The following THSD7A variants were observed in gnomAD, a reference collection of about 807,000 sequenced individuals.
The protein encoded by THSD7A is thrombospondin type-1 domain-containing protein 7A.
Under a neutral mutation model 231.3 loss-of-function variants are expected in THSD7A, and 96 were observed. The observed-to-expected ratio is 0.41, with a 90% CI of 0.35 to 0.49. The LOEUF (loss-of-function observed/expected upper bound fraction) is 0.49, where lower values mean the gene tolerates loss of function less well. Ranked by LOEUF, THSD7A falls within the 20% of genes least tolerant of loss-of-function variation. The pLI, the probability that THSD7A is intolerant of heterozygous loss-of-function variation, is 0.05. For missense variants in THSD7A, 2,290 were observed against 2,070.2 expected (o/e 1.11, Z -2.06); for synonymous variants, 940 against 743.3 (o/e 1.26, Z -4.30).
intron 1 of THSD7A, among the ~76,000 whole-genome samples, chr7:11,807,846 C>T (rs971517772): frequency 3.3e-5 from 5 of 152,100 alleles, no homozygotes; most frequent in Non-Finnish European, 7.4e-5. Flanking sequence ...AAATGTTGGT[C>T]TCCTGAAAAG....
At chr7:11,670,784 C>A (rs1027446187) in intron 1 of THSD7A, among the ~76,000 whole-genome samples, 5 of 152,082 alleles carry the variant, frequency 3.3e-5, no homozygotes, top group Non-Finnish European at 7.4e-5. Context: ...TTTGAGGATG[C>A]TTTCAGAGTA....
At chr7:11,379,847 GA>G in intron 24 of THSD7A, 135 bp from the exon 25 acceptor site, 1 of 962,304 alleles carries the variant, frequency 1.0e-6, no homozygotes, top group Non-Finnish European at 1.6e-6. Flanking sequence ...GGTTGACTGT[GA>G]AATATTTGGT....
In THSD7A at chr7:11,541,335, G is replaced by A. The variant is rs1265989999; in HGVS notation, c.1822+84C>T. 7 of 1,308,494 alleles carry A rather than the reference G, an allele frequency of 5.3e-6. No homozygotes were observed. The East Asian group carries it at 1.2e-4, about 22-fold the overall frequency. The allele number at this position is 1,308,494 out of a possible 1,614,324, so 81.1% of individuals were successfully genotyped here. On this transcript the variant is annotated intron_variant, in intron 6 of 27. Coordinates refer to ENST00000423059, the MANE Select transcript of THSD7A (RefSeq NM_015204.3). ...GTAAACAGAATCAGTTATAATGCGAGAAGACACAGGATTTTAACAGAAAGT... is the reference window on the plus strand; with the variant it reads ...GTAAACAGAATCAGTTATAATGCGAAAAGACACAGGATTTTAACAGAAAGT...
intron 1 of THSD7A, among the ~76,000 whole-genome samples, chr7:11,704,795 C>T (rs1451613034): frequency 6.6e-6 from 1 of 150,992 alleles, no homozygotes; most frequent in African/African-American, 2.4e-5. Flanking sequence ...GAAACTATTC[C>T]TCTCTAGCTT....
chr7:11,604,953 C>T (rs1212500795), intron 2 of THSD7A, among the ~76,000 whole-genome samples: 3 of 151,952 alleles, frequency 2.0e-5, no homozygotes, highest in Non-Finnish European at 2.9e-5. Flanking sequence ...CGCTCACACA[C>T]TGGGACTCAT....
At chr7:11,794,046 G>T (rs1317699992) in intron 1 of THSD7A, among the ~76,000 whole-genome samples, 1 of 151,644 alleles carries the variant, frequency 6.6e-6, no homozygotes, top group African/African-American at 2.4e-5. Context: ...AAAGATAATT[G>T]GAAGAAACAG....
At chr7:11,395,520 T>C (rs538287205) in intron 23 of THSD7A, among the ~76,000 whole-genome samples, 5 of 149,616 alleles carry the variant, frequency 3.3e-5, no homozygotes, top group Admixed American at 2.0e-4. Context: ...AGAATATGCA[T>C]TCTTTTTTTT....
Position 11,406,797 on chromosome 7 carries a change from G to A in THSD7A, c.4062+113C>T. On this transcript the variant is annotated intron_variant, in intron 21 of 27. Coordinates refer to ENST00000423059, the MANE Select transcript of THSD7A (RefSeq NM_015204.3). The surrounding 1 kb of genome is among the most constrained non-coding windows in gnomAD (Gnocchi z 4.7). ...AGTACATACAAATTTTAAGAAGCTT[G>A]TCATCTGTGAGCTCTGAAACATATT... is the stretch of plus-strand genomic sequence containing the variant. The A allele has an allele frequency of 7.7e-7, 1 of 1,300,748 alleles. No homozygotes were observed. The highest frequency in any genetic ancestry group is 1.0e-6 in the Non-Finnish European group (1 of 968,208). 80.6% of individuals were successfully genotyped at this position (1,300,748 alleles called of 1,614,324 possible). A position where few individuals can be genotyped will look rare whatever the true frequency, so the allele number is the denominator to read the frequency against.
chr7:11,678,671 CCAGTAA>C (rs1783742176), intron 1 of THSD7A, among the ~76,000 whole-genome samples: 1 of 152,110 alleles, frequency 6.6e-6, no homozygotes, highest in Non-Finnish European at 1.5e-5. Context: ...CTTGAATAGA[CCAGTAA>C]CAAGTTCTGA....
intron 7 of THSD7A, among the ~76,000 whole-genome samples, chr7:11,481,297 C>T (rs1227982148): frequency 6.6e-6 from 1 of 152,090 alleles, no homozygotes; most frequent in Non-Finnish European, 1.5e-5. Flanking sequence ...AGCCTATGTT[C>T]AAGAAACTCA....
intron 2 of THSD7A, among the ~76,000 whole-genome samples, chr7:11,624,650 T>A (rs1187240406): frequency 6.6e-6 from 1 of 152,152 alleles, no homozygotes; most frequent in East Asian, 1.9e-4. Flanking sequence ...ACTTTAGTTG[T>A]TTTTATGTAA....
intron 2 of THSD7A, among the ~76,000 whole-genome samples, chr7:11,596,480 T>A (rs1365527735): frequency 6.6e-6 from 1 of 152,150 alleles, no homozygotes; most frequent in African/African-American, 2.4e-5. Context: ...ATAGACATAC[T>A]TAGCAGCGGA....
intron 7 of THSD7A, among the ~76,000 whole-genome samples, chr7:11,481,031 C>T (rs1786402168): frequency 6.6e-6 from 1 of 152,074 alleles, no homozygotes; most frequent in Non-Finnish European, 1.5e-5. Context: ...ATGCTTTTCT[C>T]ACTCTTGTGT....
chr7:11,808,931 A>G (rs78866994), intron 1 of THSD7A, among the ~76,000 whole-genome samples: 2,185 of 152,278 alleles, frequency 0.014, 48 homozygotes, highest in African/African-American at 0.049. Flanking sequence ...TACTTAAACC[A>G]TACATATAGT....
At chr7:11,644,157 C>T (rs1308793631) in intron 1 of THSD7A, among the ~76,000 whole-genome samples, 1 of 151,406 alleles carries the variant, frequency 6.6e-6, no homozygotes, top group East Asian at 1.9e-4. Flanking sequence ...CCCTGTTTTT[C>T]AGCATCGAAA....
chr7:11,772,167 ATC>A (rs1353330961), intron 1 of THSD7A, among the ~76,000 whole-genome samples: 1 of 152,230 alleles, frequency 6.6e-6, no homozygotes, highest in East Asian at 1.9e-4. Flanking sequence ...ATGAGATACT[ATC>A]TCACACCAGT....
chr7:11,591,120 A>G (rs113721881), intron 3 of THSD7A, among the ~76,000 whole-genome samples: 1 of 151,782 alleles, frequency 6.6e-6, no homozygotes, highest in African/African-American at 2.4e-5. Context: ...TTATAAGACA[A>G]TAAATCAGAG....
In THSD7A at chr7:11,406,153, C is replaced by CAGGCATAGTGTTGAGCTGT; in HGVS notation, c.4237+128_4237+146dup. 2 of 794,178 alleles carry CAGGCATAGTGTTGAGCTGT rather than the reference C, an allele frequency of 2.5e-6. No homozygotes were observed. The highest frequency in any genetic ancestry group is 3.7e-6 in the Non-Finnish European group (2 of 536,826). 49.2% of individuals were successfully genotyped at this position (794,178 alleles called of 1,614,324 possible). On this transcript the variant is annotated intron_variant, in intron 22 of 27. Coordinates refer to ENST00000423059, the MANE Select transcript of THSD7A (RefSeq NM_015204.3). The surrounding 1 kb of genome is among the most constrained non-coding windows in gnomAD (Gnocchi z 4.7). ...TAATGAGACAGCGTCCCGTTCCCCA[C>CAGGCATAGTGTTGAGCTGT]AGGCATAGTGTTGAGCTGTTGGCAT...
chr7:11,701,412 G>A (rs935404107), intron 1 of THSD7A, among the ~76,000 whole-genome samples: 45 of 151,060 alleles, frequency 3.0e-4, no homozygotes, highest in African/African-American at 1.1e-3. Flanking sequence ...CAATCCACTT[G>A]TGCCATCCTT....
Sources: allele counts gnomAD v4.1 joint callset (sites outside exome capture counted in the v4.1 genomes callset), GRCh38; gene constraint gnomAD v4.1.1; non-coding constraint Gnocchi (gnomAD v3.1); transcripts MANE v1.5; gene names NCBI Gene and HGNC (gene_info 2026-07-23, HGNC 2026-07-21).